Variants in RGS6 observed in about 807,000 individuals in gnomAD.
The protein encoded by RGS6 is regulator of G-protein signaling 6.
RGS6 carries 30 observed loss-of-function variants against 78.5 expected under a neutral mutation model. That is an observed-to-expected ratio of 0.38 (90% CI 0.29 to 0.52). The LOEUF (loss-of-function observed/expected upper bound fraction) is 0.52. Among genes scored for constraint, RGS6 ranks in the 20% least tolerant of loss-of-function variants. The probability of loss-of-function intolerance (pLI) is 0.85; values close to 1 mark genes in which losing one functional copy is unlikely to be tolerated. For missense variants in RGS6, 495 were observed against 609.7 expected (o/e 0.81, Z 1.98); for synonymous variants, 206 against 206.0 (o/e 1.00, Z 0.00).
At chr14:72,192,755 C>T (rs932772083) in intron 2 of RGS6, among the ~76,000 whole-genome samples, 1 of 152,132 alleles carries the variant, frequency 6.6e-6, no homozygotes, top group Non-Finnish European at 1.5e-5. Context: ...TTCTTTCTTT[C>T]GTTCACTGTC....
intron 3 of RGS6, among the ~76,000 whole-genome samples, chr14:72,441,535 C>T (rs1178324240): frequency 2.0e-5 from 3 of 152,234 alleles, no homozygotes; most frequent in African/African-American, 2.4e-5. Flanking sequence ...CTCTTGCAGC[C>T]GACCAGGCAC....
intron 2 of RGS6, among the ~76,000 whole-genome samples, chr14:72,088,727 C>G (rs934919939): frequency 6.6e-6 from 1 of 152,088 alleles, no homozygotes; most frequent in African/African-American, 2.4e-5. Context: ...AACATCCACA[C>G]TTTTTATCCT....
chr14:72,218,184 G>A (rs1324404467), intron 2 of RGS6, among the ~76,000 whole-genome samples: 1 of 152,084 alleles, frequency 6.6e-6, no homozygotes, highest in African/African-American at 2.4e-5. Flanking sequence ...TTATTTTGGG[G>A]ATGATAGATG....
intron 1 of RGS6, among the ~76,000 whole-genome samples, chr14:71,946,181 G>A (rs2152976227): frequency 6.6e-6 from 1 of 152,268 alleles, no homozygotes; most frequent in East Asian, 1.9e-4. Context: ...TTAGGGCTTG[G>A]CTGTTGGTTT....
chr14:71,996,331 A>G (rs1345734242), intron 2 of RGS6, among the ~76,000 whole-genome samples: 1 of 152,206 alleles, frequency 6.6e-6, no homozygotes, highest in Admixed American at 6.5e-5. Context: ...TGTTAAGTAA[A>G]TGGAGCATTA....
intron 2 of RGS6, among the ~76,000 whole-genome samples, chr14:71,989,409 A>T (rs539119541): frequency 7.2e-4 from 109 of 152,360 alleles, no homozygotes; most frequent in African/African-American, 2.5e-3. Flanking sequence ...CATAGGCAAG[A>T]TACTCTAATC....
At chr14:71,907,629 T>C in the RGS6 span, among the ~76,000 whole-genome samples, 4 of 151,524 alleles carry the variant, frequency 2.6e-5, no homozygotes, top group Non-Finnish European at 4.4e-5. Flanking sequence ...TGGGGGGATA[T>C]GTTCAGATTT....
intron 2 of RGS6, among the ~76,000 whole-genome samples, chr14:72,300,732 A>G (rs539176478): frequency 1.3e-5 from 2 of 152,346 alleles, no homozygotes; most frequent in Admixed American, 1.3e-4. Context: ...GGCATGCGGA[A>G]TGTCCATGTG....
At chr14:72,340,250 C>A (rs946896244) in intron 2 of RGS6, among the ~76,000 whole-genome samples, 2 of 152,146 alleles carry the variant, frequency 1.3e-5, no homozygotes, top group Non-Finnish European at 2.9e-5. Context: ...CTCTCATGTG[C>A]TCACTGGAGC....
At chr14:72,281,937 T>C (rs2061656957) in intron 2 of RGS6, among the ~76,000 whole-genome samples, 1 of 152,204 alleles carries the variant, frequency 6.6e-6, no homozygotes, top group African/African-American at 2.4e-5. Flanking sequence ...CACAAAGTCA[T>C]CGGAAGATTT....
upstream of RGS6, among the ~76,000 whole-genome samples, chr14:71,931,485 TTACTC>T (rs2152921452): frequency 6.6e-6 from 1 of 152,316 alleles, no homozygotes; most frequent in South Asian, 2.1e-4. Flanking sequence ...GAAGGAGACT[TTACTC>T]TTTAACTTCT....
At chr14:72,146,474 G>A (rs1385583361) in intron 2 of RGS6, among the ~76,000 whole-genome samples, 3 of 152,172 alleles carry the variant, frequency 2.0e-5, no homozygotes, top group Non-Finnish European at 4.4e-5. Flanking sequence ...TCAGATATGT[G>A]TGAGACTCAA....
chr14:72,062,045 T>C (rs1393824810), intron 2 of RGS6, among the ~76,000 whole-genome samples: 1 of 152,180 alleles, frequency 6.6e-6, no homozygotes. Context: ...GTATCAATGA[T>C]GAGAGTTATA....
chr14:71,960,867 C>T (rs2093137733), intron 1 of RGS6, among the ~76,000 whole-genome samples: 2 of 152,182 alleles, frequency 1.3e-5, no homozygotes, highest in South Asian at 2.1e-4. Flanking sequence ...CTGTCACCTC[C>T]TCCTACTCTG....
intron 15 of RGS6, among the ~76,000 whole-genome samples, chr14:72,526,107 C>CTT (rs368041148): frequency 3.5e-5 from 5 of 143,342 alleles, no homozygotes; most frequent in Non-Finnish European, 6.2e-5. Context: ...TACTTTTCTT[C>CTT]TTTTTTTTTT....
chr14:72,465,082 G>T (rs748397758), intron 6 of RGS6, among the ~76,000 whole-genome samples: 14 of 152,180 alleles, frequency 9.2e-5, no homozygotes, highest in Non-Finnish European at 1.0e-4. Context: ...AAGAGAGAAA[G>T]ACTTTCCTCA....
chr14:72,380,894 A>G (rs1171812074), intron 3 of RGS6, among the ~76,000 whole-genome samples: 3 of 152,164 alleles, frequency 2.0e-5, no homozygotes, highest in Admixed American at 6.6e-5. Context: ...GCACTATTAT[A>G]TAGCCAAGAT....
At chr14:71,991,293 T>C (rs948889250) in intron 2 of RGS6, among the ~76,000 whole-genome samples, 3 of 152,222 alleles carry the variant, frequency 2.0e-5, no homozygotes, top group African/African-American at 7.2e-5. Flanking sequence ...GTCCACATCA[T>C]GTAACAATTC....
chr14:72,242,320 G>T (rs1300571570), intron 2 of RGS6, among the ~76,000 whole-genome samples: 1 of 152,156 alleles, frequency 6.6e-6, no homozygotes, highest in African/African-American at 2.4e-5. Context: ...GCTGAATTAG[G>T]AGGAAACTGC....
Sources: allele counts gnomAD v4.1 joint callset (sites outside exome capture counted in the v4.1 genomes callset), GRCh38; gene constraint gnomAD v4.1.1; transcripts MANE v1.5; gene names NCBI Gene and HGNC (gene_info 2026-07-23, HGNC 2026-07-21).